LDB2: variants seen among roughly 807,000 people sequenced by gnomAD.
The protein encoded by LDB2 is LIM domain binding 2.
LDB2 carries 12 observed loss-of-function variants against 44.3 expected under a neutral mutation model. That is an observed-to-expected ratio of 0.27 (90% CI 0.17 to 0.44). LDB2 has a LOEUF of 0.44. LDB2 is among the 20% of genes least tolerant of loss of function. The pLI, the probability that LDB2 is intolerant of heterozygous loss-of-function variation, is 1.00. For missense variants in LDB2, 344 were observed against 473.5 expected (o/e 0.73, Z 2.54); for synonymous variants, 164 against 174.8 (o/e 0.94, Z 0.49).
chr4:16,724,740 A>C (rs904095659), intron 2 of LDB2, among the ~76,000 whole-genome samples: 5 of 152,206 alleles, frequency 3.3e-5, no homozygotes, highest in African/African-American at 1.2e-4. Flanking sequence ...ATCTGAATCC[A>C]AACCCTATGC....
intron 1 of LDB2, among the ~76,000 whole-genome samples, chr4:16,855,354 T>C (rs1789146249): frequency 6.6e-6 from 1 of 152,106 alleles, no homozygotes; most frequent in Non-Finnish European, 1.5e-5. Context: ...GATGAAGAAG[T>C]ACAAATTATA....
chr4:16,602,734 C>T (rs561677628), intron 2 of LDB2, among the ~76,000 whole-genome samples: 33 of 152,228 alleles, frequency 2.2e-4, no homozygotes, highest in African/African-American at 7.5e-4. Flanking sequence ...TTGACCAAGA[C>T]TTCAGTCACC....
At chr4:16,785,448 A>T (rs763793470) in intron 1 of LDB2, among the ~76,000 whole-genome samples, 1 of 152,208 alleles carries the variant, frequency 6.6e-6, no homozygotes, top group African/African-American at 2.4e-5. Context: ...GTGAGGACGG[A>T]TGCATCACTG....
rs1717553193 is a variant in LDB2, at chr4:16,501,615, C to T, written c.*1028G>A. 6.6e-6 allele frequency: 1 copy of T among 152,640 alleles called. No homozygotes were observed. Among genetic ancestry groups the T allele is most frequent in the African/African-American group, 2.4e-5 (1 of 41,450 alleles). The allele number at this position is 152,640 out of a possible 1,614,324, so 9.5% of individuals were successfully genotyped here. On this transcript the variant is annotated 3_prime_UTR_variant, in exon 8 of 8. Transcript: ENST00000304523. ...CATAAAATACAGCTGTTTTTTAACA[C>T]ACGGAGCCACTGTGCCTTTACATGT...
chr4:16,790,882 G>A (rs927975085), intron 1 of LDB2, among the ~76,000 whole-genome samples: 24 of 149,612 alleles, frequency 1.6e-4, no homozygotes, highest in Admixed American at 4.1e-4. Context: ...CTGTTAAATT[G>A]TGGTATCCTG....
chr4:16,614,591 A>AC (rs1560637647), intron 2 of LDB2, among the ~76,000 whole-genome samples: 1 of 151,044 alleles, frequency 6.6e-6, no homozygotes, highest in East Asian at 1.9e-4. Flanking sequence ...AAAAAAAAAA[A>AC]AAAAAAAAAA....
At chr4:16,648,907 CTAAG>C (rs1358739619) in intron 2 of LDB2, among the ~76,000 whole-genome samples, 8 of 152,188 alleles carry the variant, frequency 5.3e-5, no homozygotes, top group Admixed American at 2.0e-4. Context: ...TTTGAATGTT[CTAAG>C]TAAGTACAAA....
intron 2 of LDB2, among the ~76,000 whole-genome samples, chr4:16,688,755 A>G (rs536037856): frequency 3.3e-5 from 5 of 152,366 alleles, no homozygotes; most frequent in African/African-American, 9.6e-5. Flanking sequence ...TACAGGCTCA[A>G]TGTCAAGAAC....
chr4:16,534,505 G>T (rs1281543846), intron 5 of LDB2, among the ~76,000 whole-genome samples: 1 of 152,146 alleles, frequency 6.6e-6, no homozygotes, highest in Non-Finnish European at 1.5e-5. Flanking sequence ...AAAGGCTTAT[G>T]CTAGTTCTGA....
chr4:16,897,327 A>G (rs920867119), intron 1 of LDB2, among the ~76,000 whole-genome samples: 1 of 152,220 alleles, frequency 6.6e-6, no homozygotes, highest in Non-Finnish European at 1.5e-5. Context: ...CTAAATTCCT[A>G]GCAATTTCCA....
chr4:16,885,401 A>G (rs1426536117), intron 1 of LDB2, among the ~76,000 whole-genome samples: 1 of 152,200 alleles, frequency 6.6e-6, no homozygotes, highest in African/African-American at 2.4e-5. Context: ...GAAGATTGAT[A>G]TTGGTCACAG....
chr4:16,759,116 C>A, intron 2 of LDB2, 42 bp downstream of exon 2: 1 of 1,398,782 alleles, frequency 7.1e-7, no homozygotes, highest in East Asian at 2.3e-5. Flanking sequence ...TTCTTACAGG[C>A]ACAAAACGAG....
chr4:16,748,154 C>G (rs1764752698), intron 2 of LDB2, among the ~76,000 whole-genome samples: 1 of 152,090 alleles, frequency 6.6e-6, no homozygotes, highest in South Asian at 2.1e-4. Flanking sequence ...ACCTTATGTC[C>G]TCCTTTTTCA....
chr4:16,826,977 T>C (rs750768939), intron 1 of LDB2, among the ~76,000 whole-genome samples: 2 of 152,144 alleles, frequency 1.3e-5, no homozygotes, highest in Admixed American at 6.5e-5. Context: ...AGCTCAATCA[T>C]AATCATGATT....
chr4:16,824,556 AT>A (rs1782701756), intron 1 of LDB2, among the ~76,000 whole-genome samples: 1 of 152,190 alleles, frequency 6.6e-6, no homozygotes, highest in African/African-American at 2.4e-5. Flanking sequence ...TATCATCCTC[AT>A]TTTGCTTTTC....
intron 2 of LDB2, among the ~76,000 whole-genome samples, chr4:16,687,352 C>T (rs1185885659): frequency 6.6e-6 from 1 of 152,184 alleles, no homozygotes; most frequent in Non-Finnish European, 1.5e-5. Flanking sequence ...CTCTCTCTCG[C>T]TCTCTACTCT....
chr4:16,651,703 T>C (rs2132631), intron 2 of LDB2, among the ~76,000 whole-genome samples: 43,608 of 152,072 alleles, frequency 0.29, 6,355 homozygotes, highest in East Asian at 0.41. Flanking sequence ...CCTAGACTCC[T>C]GTGCGGTCTT....
intron 2 of LDB2, among the ~76,000 whole-genome samples, chr4:16,739,642 ATACATATG>A (rs1561055126): frequency 1.0e-4 from 9 of 88,614 alleles, no homozygotes; most frequent in African/African-American, 3.1e-4. Context: ...ATATGTATAT[ATACATATG>A]TGTGTATATA....
chr4:16,535,049 G>A (rs1731306525), intron 5 of LDB2, among the ~76,000 whole-genome samples: 2 of 152,344 alleles, frequency 1.3e-5, no homozygotes, highest in South Asian at 4.1e-4. Flanking sequence ...CAGGTTGAAA[G>A]AAAGTAAGAA....
Sources: allele counts gnomAD v4.1 joint callset (sites outside exome capture counted in the v4.1 genomes callset), GRCh38; gene constraint gnomAD v4.1.1; transcripts MANE v1.5; gene names NCBI Gene and HGNC (gene_info 2026-07-23, HGNC 2026-07-21).